Variants in SGCZ observed in about 807,000 individuals in gnomAD.
The protein encoded by SGCZ is sarcoglycan zeta.
In SGCZ, 40 loss-of-function variants were observed where a neutral mutation model predicts 41.3. The ratio of observed to expected loss-of-function variants is 0.97; its 90% CI spans 0.75 to 1.26. The LOEUF (loss-of-function observed/expected upper bound fraction) is 1.26. Ranked by LOEUF, SGCZ falls within the 50% of genes most tolerant of loss-of-function variation. The pLI is 0.00. For missense variants in SGCZ, 552 were observed against 369.8 expected, an observed-to-expected ratio of 1.49 and a Z score of -4.04; for synonymous variants, 206 against 137.5, an observed-to-expected ratio of 1.50 and a Z score of -3.49.
chr8:14,634,421 C>T (rs1381524715), intron 1 of SGCZ, among the ~76,000 whole-genome samples: 1 of 151,830 alleles, frequency 6.6e-6, no homozygotes, highest in African/African-American at 2.4e-5. Context: ...CAACGCCACA[C>T]ATTTTGAGTA....
At position 14,674,928 on chromosome 8, in the gene SGCZ, G is replaced by GCTTTTTTTTTTTTTTTT. The variant is rs1554478141; in HGVS notation, c.40-120003_40-120002insAAAAAAAAAAAAAAAAG. ...GCCAATTTAACCTCTTTTCTTTTCT[G>GCTTTTTTTTTTTTTTTT]TTTTTTTTTTTTTTTTTTTTTTTTT... On this transcript the variant is annotated intron_variant, in intron 1 of 7. Coordinates refer to ENST00000382080, the MANE Select transcript of SGCZ (RefSeq NM_139167.4). Among the ~76,000 whole-genome samples, 659 of 71,010 alleles carry GCTTTTTTTTTTTTTTTT rather than the reference G, an allele frequency of 9.3e-3. 200 individuals carry two copies. The highest frequency in any genetic ancestry group is 0.028 in the African/African-American group (552 of 19,702). 46.6% of individuals were successfully genotyped at this position (71,010 alleles called of 152,430 possible). A position where few individuals can be genotyped will look rare whatever the true frequency, so the allele number is the denominator to read the frequency against.
chr8:15,090,088 G>T (rs527341245), intron 1 of SGCZ, among the ~76,000 whole-genome samples: 3 of 152,102 alleles, frequency 2.0e-5, no homozygotes, highest in Non-Finnish European at 4.4e-5. Flanking sequence ...CAACTTTTCA[G>T]TTACTGACAA....
rs111977207 is a variant in SGCZ at position 15,001,511 on chromosome 8, C to T, written c.39+236074G>A. Reference sequence around the variant, plus strand: ...TTGGGAGGCCAAGGCGGGCGGATCACGAGGTCAGGAGATCGAGACCATCCT... The same window carrying T: ...TTGGGAGGCCAAGGCGGGCGGATCATGAGGTCAGGAGATCGAGACCATCCT... On this transcript the variant is annotated intron_variant, in intron 1 of 7. Transcript: ENST00000382080. Among the ~76,000 whole-genome samples, 458 of 152,088 alleles carry T rather than the reference C, an allele frequency of 3.0e-3. 1 individual carries two copies. The highest frequency in any genetic ancestry group is 9.7e-3 in the African/African-American group (403 of 41,526).
At chr8:14,396,661 A>G (rs1439558770) in intron 2 of SGCZ, among the ~76,000 whole-genome samples, 1 of 151,978 alleles carries the variant, frequency 6.6e-6, no homozygotes, top group Non-Finnish European at 1.5e-5. Flanking sequence ...ATAACGACTG[A>G]TTATTAAATT....
At chr8:14,121,750 G>C (rs973753168) in intron 5 of SGCZ, among the ~76,000 whole-genome samples, 2 of 152,150 alleles carry the variant, frequency 1.3e-5, no homozygotes, top group Non-Finnish European at 2.9e-5. Flanking sequence ...TTGAGTTCCA[G>C]ATAAGTTTGG....
At chr8:14,504,951 T>G (rs2117060459) in intron 2 of SGCZ, among the ~76,000 whole-genome samples, 1 of 152,270 alleles carries the variant, frequency 6.6e-6, no homozygotes, top group African/African-American at 2.4e-5. Flanking sequence ...TTATGGCTAT[T>G]TATAATGTCT....
intron 1 of SGCZ, among the ~76,000 whole-genome samples, chr8:15,206,305 G>C (rs1448158349): frequency 6.6e-6 from 1 of 152,120 alleles, no homozygotes; most frequent in Non-Finnish European, 1.5e-5. Context: ...TTGGTTGTGA[G>C]CAGTACAAAG....
intron 1 of SGCZ, among the ~76,000 whole-genome samples, chr8:14,751,923 C>T (rs1250307135): frequency 6.7e-6 from 1 of 149,302 alleles, no homozygotes; most frequent in East Asian, 2.0e-4. Context: ...CAGAGTGAGA[C>T]TCCGACTCAA....
chr8:14,922,725 T>C (rs1799628237), intron 1 of SGCZ, among the ~76,000 whole-genome samples: 1 of 152,224 alleles, frequency 6.6e-6, no homozygotes, highest in Admixed American at 6.5e-5. Context: ...ATGATTCTAA[T>C]CTTCTAAAGC....
chr8:14,535,420 G>A (rs577670980), intron 2 of SGCZ, among the ~76,000 whole-genome samples: 1 of 151,768 alleles, frequency 6.6e-6, no homozygotes, highest in African/African-American at 2.4e-5. Flanking sequence ...TAAGAAAAAA[G>A]GTTACATCTG....
chr8:15,059,599 T>C (rs766721511), intron 1 of SGCZ, among the ~76,000 whole-genome samples: 1 of 152,194 alleles, frequency 6.6e-6, no homozygotes, highest in Non-Finnish European at 1.5e-5. Context: ...TTACTTGAAA[T>C]TGAAAACTGC....
At chr8:14,428,749 T>C (rs1381641115) in intron 2 of SGCZ, among the ~76,000 whole-genome samples, 7 of 152,290 alleles carry the variant, frequency 4.6e-5, no homozygotes, top group Non-Finnish European at 8.8e-5. Context: ...AGTTCATACA[T>C]AGAGGAAGCT....
At chr8:15,121,900 C>A (rs370825787) in intron 1 of SGCZ, among the ~76,000 whole-genome samples, 296 of 126,054 alleles carry the variant, frequency 2.3e-3, no homozygotes, top group Admixed American at 2.7e-3. Context: ...CGGCAGTTAC[C>A]AAAAAAAAAA....
intron 2 of SGCZ, among the ~76,000 whole-genome samples, chr8:14,483,432 A>G (rs1335312313): frequency 6.6e-6 from 1 of 152,176 alleles, no homozygotes; most frequent in Non-Finnish European, 1.5e-5. Flanking sequence ...TTAGCTGGGC[A>G]TGGTGGTACC....
intron 1 of SGCZ, among the ~76,000 whole-genome samples, chr8:15,123,222 C>T (rs763595786): frequency 2.0e-5 from 3 of 152,158 alleles, no homozygotes; most frequent in Non-Finnish European, 4.4e-5. Flanking sequence ...CAGGAGCATG[C>T]TTCAAAATAA....
rs143081798 is a variant in SGCZ at position 14,740,707 on chromosome 8, G to C, written c.40-185781C>G. Among the ~76,000 whole-genome samples, 229 of 152,036 alleles carry C rather than the reference G, an allele frequency of 1.5e-3. 2 individuals are homozygous for C. The highest frequency in any genetic ancestry group is 4.9e-3 in the African/African-American group (203 of 41,488). The stretch of plus-strand genomic sequence containing the variant: ...GCTGGAGTGCTTATGCCATATTTCA[G>C]ATCACAAAGGGGAATAAAATTATCT... On this transcript the variant is annotated intron_variant, in intron 1 of 7. Transcript: ENST00000382080.
chr8:14,102,897 A>T (rs1802078879), intron 6 of SGCZ, among the ~76,000 whole-genome samples: 1 of 152,148 alleles, frequency 6.6e-6, no homozygotes, highest in South Asian at 2.1e-4. Context: ...TTAATAAAAA[A>T]TTTACAGTTT....
At chr8:14,737,373 A>T (rs530319150) in intron 1 of SGCZ, among the ~76,000 whole-genome samples, 40 of 152,100 alleles carry the variant, frequency 2.6e-4, no homozygotes, top group East Asian at 9.7e-4. Flanking sequence ...AGCTAATGTG[A>T]CCCATTTTTG....
At chr8:14,488,378 G>C (rs1190320441) in intron 2 of SGCZ, among the ~76,000 whole-genome samples, 1 of 127,784 alleles carries the variant, frequency 7.8e-6, no homozygotes, top group Non-Finnish European at 1.7e-5. Context: ...ATGAGCAAGA[G>C]ACCACAATGG....
Sources: gnomAD v4.1 joint callset for allele counts (sites outside exome capture counted in the v4.1 genomes callset) on GRCh38, gnomAD v4.1.1 for gene constraint, MANE v1.5 for transcripts, NCBI Gene and HGNC (gene_info 2026-07-23, HGNC 2026-07-21) for gene names.